The following WDR26 variants were observed in gnomAD, a reference collection of about 807,000 sequenced individuals.
WDR26 encodes the protein WD repeat-containing protein 26.
In WDR26, 5 loss-of-function variants were observed where a neutral mutation model predicts 84.1. The ratio of observed to expected loss-of-function variants is 0.06; its 90% CI spans 0.03 to 0.13. The LOEUF (loss-of-function observed/expected upper bound fraction) is 0.13, where lower values mean the gene tolerates loss of function less well. Ranked by LOEUF, WDR26 falls within the 10% of genes least tolerant of loss-of-function variation. The pLI, the probability that WDR26 is intolerant of heterozygous loss-of-function variation, is 1.00. For missense variants in WDR26, 642 were observed against 974.9 expected (o/e 0.66, Z 4.55); for synonymous variants, 415 against 389.6 (o/e 1.07, Z -0.77).
At chr1:224,394,505 C>CTT (rs34687215) in intron 12 of WDR26, among the ~76,000 whole-genome samples, 1 of 146,552 alleles carries the variant, frequency 6.8e-6, no homozygotes. Flanking sequence ...TCTGCTTATC[C>CTT]TTTTTTTTTT....
chr1:224,433,631 G>A, intron 1 of WDR26, 53 bp downstream of exon 1: 1 of 1,227,298 alleles, frequency 8.1e-7, no homozygotes, highest in Non-Finnish European at 1.1e-6. Context: ...TACCCCCCTG[G>A]AGCCTCCGTC....
At chr1:224,433,600 T>TCCCC in intron 1 of WDR26, 84 bp downstream of exon 1, 2 of 287,054 alleles carry the variant, frequency 7.0e-6, no homozygotes, top group South Asian at 6.6e-5. Context: ...CAAGCCCCCC[T>TCCCC]CCCCCCTCCG....
intron 4 of WDR26, among the ~76,000 whole-genome samples, chr1:224,424,059 C>CT (rs1674143756): frequency 6.9e-6 from 1 of 144,378 alleles, no homozygotes; most frequent in Non-Finnish European, 1.6e-5. Context: ...CTTCACCCCC[C>CT]AAAAAAGGAC....
intron 7 of WDR26, among the ~76,000 whole-genome samples, chr1:224,408,781 T>C (rs555943123): frequency 6.6e-6 from 1 of 152,278 alleles, no homozygotes; most frequent in South Asian, 2.1e-4. Context: ...TGCGCTTTCA[T>C]AATACTTTAT....
Position 224,401,603 on chromosome 1 carries a change from G to A in WDR26, c.1600-534C>T, listed in dbSNP as rs1161285416. Among the ~76,000 whole-genome samples, 16 of 142,762 alleles carry A rather than the reference G, an allele frequency of 1.1e-4. 1 individual carries two copies. The highest frequency in any genetic ancestry group is 3.0e-5 in the Non-Finnish European group (2 of 66,820). 93.7% of individuals were successfully genotyped at this position (142,762 alleles called of 152,430 possible). A position where few individuals can be genotyped will look rare whatever the true frequency, so the allele number is the denominator to read the frequency against. On this transcript the variant is annotated intron_variant, in intron 8 of 13. Coordinates refer to ENST00000414423, the MANE Select transcript of WDR26 (RefSeq NM_001379403.1). Reference sequence around the variant, plus strand: ...GCACGAGAATCACTTGAACCCAGGCGGTGGAGGTTGCAGTGAGCTGAGATC... The same window carrying A: ...GCACGAGAATCACTTGAACCCAGGCAGTGGAGGTTGCAGTGAGCTGAGATC...
Position 224,401,695 on chromosome 1 carries a change from A to AAAAG in WDR26, c.1600-627_1600-626insCTTT, listed in dbSNP as rs1558421322. ...TCAAAAAAAAAAAAAAAAAAGAAAA[A>AAAAG]AAAAAAGAAAAAAGAAAAAAAAAGA... On this transcript the variant is annotated intron_variant, in intron 8 of 13. Transcript: ENST00000414423. Among the ~76,000 whole-genome samples, 141 of 104,082 alleles carry AAAAG rather than the reference A, an allele frequency of 1.4e-3. 12 individuals are homozygous for AAAAG. Among genetic ancestry groups the AAAAG allele is most frequent in the African/African-American group, 4.6e-3 (123 of 26,602 alleles). 68.3% of individuals were successfully genotyped at this position (104,082 alleles called of 152,430 possible).
intron 4 of WDR26, among the ~76,000 whole-genome samples, chr1:224,423,681 G>C (rs1369494898): frequency 1.3e-5 from 2 of 152,214 alleles, no homozygotes; most frequent in African/African-American, 4.8e-5. Context: ...CCAGAAACTA[G>C]AGGTGGCAGT....
At chr1:224,418,113 C>T in intron 6 of WDR26, 147 bp downstream of exon 6, 1 of 611,984 alleles carries the variant, frequency 1.6e-6, no homozygotes. Context: ...TCATAATTTT[C>T]AATTTTCATA....
intron 6 of WDR26, chr1:224,413,084 G>T (rs971568725): frequency 5.3e-6 from 1 of 188,556 alleles, no homozygotes; most frequent in Non-Finnish European, 1.1e-5. Flanking sequence ...AGCTACTCAA[G>T]AAGCTGAGGC....
chr1:224,409,844 C>T (rs1022190635), intron 7 of WDR26, among the ~76,000 whole-genome samples: 1 of 149,746 alleles, frequency 6.7e-6, no homozygotes, highest in Non-Finnish European at 1.5e-5. Context: ...CCCTGGGGGA[C>T]ATAGTGAGAT....
chr1:224,419,141 A>G (rs141132876), intron 5 of WDR26, among the ~76,000 whole-genome samples: 9 of 152,334 alleles, frequency 5.9e-5, no homozygotes, highest in African/African-American at 2.2e-4. Flanking sequence ...TTGGGGAAGA[A>G]TAAAACAATT....
chr1:224,434,220 GGAGGAGGAC>G lies in WDR26; in HGVS notation c.177_185del (p.Ser65_Ser67del), dbSNP rs1340122865. 2.1e-6 allele frequency: 3 copies of G among 1,397,012 alleles called. No individual in the cohort carries two copies. The highest frequency in any genetic ancestry group is 6.0e-5 in the Admixed American group (2 of 33,188). The allele number at this position is 1,397,012 out of a possible 1,614,324, so 86.5% of individuals were successfully genotyped here. A position where few individuals can be genotyped will look rare whatever the true frequency, so the allele number is the denominator to read the frequency against. On this transcript the variant is annotated inframe_deletion, in exon 1 of 14. Transcript: ENST00000414423. ...CTACCACCACGGAGGAGGAGGAGGA[GGAGGAGGAC>G]GAGGACGACGAGGACGGAGGGGAGA...
intron 13 of WDR26, 46 bp from the exon 14 acceptor site, chr1:224,389,906 G>GGGGGGC: frequency 2.1e-6 from 1 of 470,798 alleles, no homozygotes; most frequent in Non-Finnish European, 4.0e-6. Flanking sequence ...GCGGGGGAGG[G>GGGGGGC]AAGAGGGGAA....
chr1:224,410,610 T>C (rs1229163448), intron 7 of WDR26, among the ~76,000 whole-genome samples: 2 of 151,680 alleles, frequency 1.3e-5, no homozygotes, highest in Admixed American at 1.3e-4. Context: ...TACAAGATAA[T>C]GATGGGCTTC....
rs1366746924 is a variant in WDR26, at chr1:224,410,259, G to C, written c.1458+1168C>G. On this transcript the variant is annotated intron_variant, in intron 7 of 13. Transcript: ENST00000414423. Reference sequence around the variant, plus strand: ...TCGCACCATTGCACTCCAGCCTGGGGGACAAGAGCGAGACTTTGTCTCAAA... The same window carrying C: ...TCGCACCATTGCACTCCAGCCTGGGCGACAAGAGCGAGACTTTGTCTCAAA... Among the ~76,000 whole-genome samples the C allele has an allele frequency of 2.1e-5, 3 of 145,684 alleles. No individual in the cohort carries two copies. In the East Asian group the frequency reaches 5.9e-4, roughly 29 times the overall value.
Position 224,387,482 on chromosome 1 carries a change from C to A in WDR26, c.*2353G>T, listed in dbSNP as rs879779552. 6.6e-6 allele frequency: 1 copy of A among 152,500 alleles called. No individual in the cohort carries two copies. The highest frequency in any genetic ancestry group is 2.4e-5 in the African/African-American group (1 of 41,366). The allele number at this position is 152,500 out of a possible 1,614,324, so 9.4% of individuals were successfully genotyped here. ...AGAAACCTTTGCATAGTTGTTACTC[C>A]GTTTTAATAGGAGTTATGTTCTTGT... On this transcript the variant is annotated 3_prime_UTR_variant, in exon 14 of 14. Transcript: ENST00000414423.
chr1:224,415,068 T>G (rs570279090), intron 6 of WDR26, among the ~76,000 whole-genome samples: 2 of 152,306 alleles, frequency 1.3e-5, no homozygotes, highest in African/African-American at 4.8e-5. Context: ...TTTTGCAGTT[T>G]AGCAATAAAG....
At chr1:224,411,774 T>C (rs1472481722) in intron 6 of WDR26, among the ~76,000 whole-genome samples, 1 of 151,534 alleles carries the variant, frequency 6.6e-6, no homozygotes, top group African/African-American at 2.4e-5. Flanking sequence ...AGCACAATCA[T>C]AGATCACTGT....
chr1:224,404,299 A>C, intron 8 of WDR26, 131 bp downstream of exon 8: 1 of 1,098,864 alleles, frequency 9.1e-7, no homozygotes, highest in Non-Finnish European at 1.2e-6. Flanking sequence ...GTTCCACTTG[A>C]ATAACTAAGA....
Sources: allele counts gnomAD v4.1 joint callset (sites outside exome capture counted in the v4.1 genomes callset), GRCh38; gene constraint gnomAD v4.1.1; transcripts MANE v1.5; gene names NCBI Gene and HGNC (gene_info 2026-07-23, HGNC 2026-07-21).